Variants in TBC1D1 observed in about 807,000 individuals in gnomAD.
TBC1D1 encodes the protein TBC1 domain family member 1, also known as TBC1 (tre-2/USP6, BUB2, cdc16) domain family, member 1.
A neutral mutation model predicts 125.6 loss-of-function variants in TBC1D1; 89 were observed. The ratio of observed to expected loss-of-function variants is 0.71; its 90% CI spans 0.60 to 0.85. The LOEUF (loss-of-function observed/expected upper bound fraction) is 0.85, where lower values mean the gene tolerates loss of function less well. Ranked by LOEUF, TBC1D1 falls within the 40% of genes least tolerant of loss-of-function variation. The pLI is 0.00. For missense variants in TBC1D1, 1,377 were observed against 1,469.2 expected (o/e 0.94, Z 1.03); for synonymous variants, 565 against 564.1 (o/e 1.00, Z -0.02).
At chr4:38,026,269 A>G (rs1488119638) in intron 6 of TBC1D1, among the ~76,000 whole-genome samples, 1 of 152,200 alleles carries the variant, frequency 6.6e-6, no homozygotes, top group Non-Finnish European at 1.5e-5. Flanking sequence ...CAACAGTGTG[A>G]TAGGAGCAGC....
intron 8 of TBC1D1, among the ~76,000 whole-genome samples, chr4:38,042,192 A>G (rs928760229): frequency 6.6e-6 from 1 of 152,060 alleles, no homozygotes; most frequent in Non-Finnish European, 1.5e-5. Context: ...CAAGCAAACA[A>G]AAAAAGCTCA....
chr4:37,978,159 T>C (rs992025079), intron 2 of TBC1D1, among the ~76,000 whole-genome samples: 1 of 152,218 alleles, frequency 6.6e-6, no homozygotes, highest in African/African-American at 2.4e-5. Flanking sequence ...CCAGGCCAGT[T>C]GCACTGTTGC....
Position 37,905,029 on chromosome 4 carries a change from T to G in TBC1D1, c.417+2517T>G, listed in dbSNP as rs114400639. 4.7e-3 allele frequency among the ~76,000 whole-genome samples: 709 copies of G among 152,332 alleles called. 1 individual carries two copies. The highest frequency in any genetic ancestry group is 0.016 in the African/African-American group (667 of 41,570). On this transcript the variant is annotated intron_variant, in intron 2 of 19. Coordinates refer to ENST00000261439, the MANE Select transcript of TBC1D1 (RefSeq NM_015173.4). ...AACTGCATTTGCCAGAGAAGACATA[T>G]GCATTTACTGCCAGCATCATAAACA...
chr4:38,092,748 A>G (rs971777999), intron 13 of TBC1D1, among the ~76,000 whole-genome samples: 17 of 151,584 alleles, frequency 1.1e-4, no homozygotes, highest in South Asian at 4.2e-4. Flanking sequence ...AAAAAAAAAA[A>G]AAAGAAAGAA....
rs1371081312 is a variant in TBC1D1 at position 38,014,466 on chromosome 4, C to T, written c.418-43C>T. The T allele has an allele frequency of 3.8e-6, 6 of 1,578,226 alleles. No individual in the cohort carries two copies. The highest frequency in any genetic ancestry group is 5.2e-6 in the Non-Finnish European group (6 of 1,152,266). On this transcript the variant is annotated intron_variant, in intron 2 of 19. Coordinates refer to ENST00000261439, the MANE Select transcript of TBC1D1 (RefSeq NM_015173.4). This position sits in a 1 kb window ranked among gnomAD's most constrained non-coding sequence, Gnocchi z 5.1. Reference sequence around the variant, plus strand: ...GGTGCATTCATTCCGTGAGTGCCAGCCACACTGCATGTTCCAAATAACACG... The same window carrying T: ...GGTGCATTCATTCCGTGAGTGCCAGTCACACTGCATGTTCCAAATAACACG...
intron 2 of TBC1D1, among the ~76,000 whole-genome samples, chr4:37,916,985 G>A (rs1161253950): frequency 6.6e-6 from 1 of 151,264 alleles, no homozygotes; most frequent in African/African-American, 2.4e-5. Context: ...TGGCCAGGCT[G>A]GTCTTGAACT....
chr4:38,130,553 A>G (rs1765417572), intron 18 of TBC1D1, among the ~76,000 whole-genome samples: 1 of 152,186 alleles, frequency 6.6e-6, no homozygotes, highest in Non-Finnish European at 1.5e-5. Context: ...ATCCCCAGTA[A>G]TTACAACTCT....
chr4:37,907,576 G>A (rs774250537), intron 2 of TBC1D1, among the ~76,000 whole-genome samples: 6 of 152,086 alleles, frequency 3.9e-5, no homozygotes, highest in African/African-American at 1.2e-4. Context: ...ACCCATGAAC[G>A]TCCCTCAGAA....
At chr4:38,018,281 T>C in intron 3 of TBC1D1, 73 bp from the exon 4 acceptor site, 2 of 1,133,576 alleles carry the variant, frequency 1.8e-6, no homozygotes, top group Non-Finnish European at 1.3e-6. Flanking sequence ...AGCTTGTCCC[T>C]TTTATTCTTT....
At chr4:38,128,094 A>G (rs1258627244) in intron 18 of TBC1D1, among the ~76,000 whole-genome samples, 2 of 152,164 alleles carry the variant, frequency 1.3e-5, no homozygotes, top group African/African-American at 4.8e-5. Flanking sequence ...TCCCTGAACT[A>G]AAGGATCACA....
intron 12 of TBC1D1, among the ~76,000 whole-genome samples, chr4:38,085,923 C>G (rs973907900): frequency 6.6e-6 from 1 of 152,226 alleles, no homozygotes; most frequent in African/African-American, 2.4e-5. Flanking sequence ...GTCCACATCT[C>G]TCAAGACTGC....
intron 2 of TBC1D1, among the ~76,000 whole-genome samples, chr4:37,903,485 A>G (rs973822043): frequency 6.6e-6 from 1 of 152,242 alleles, no homozygotes; most frequent in African/African-American, 2.4e-5. Flanking sequence ...TGTCTGCCAC[A>G]TGTACAGGGC....
chr4:38,107,939 G>A (rs982339752), intron 15 of TBC1D1, among the ~76,000 whole-genome samples: 5 of 152,050 alleles, frequency 3.3e-5, no homozygotes, highest in African/African-American at 1.2e-4. Context: ...CCCCTGCTTT[G>A]GTGGAATCAT....
chr4:37,919,086 T>TA (rs58659751), intron 2 of TBC1D1, among the ~76,000 whole-genome samples: 114,403 of 143,752 alleles, frequency 0.8, 45,281 homozygotes, highest in East Asian at 0.94. Flanking sequence ...CCCCCATCTT[T>TA]AAAAAAAAAA....
At chr4:38,137,065 C>CGTGTGG (rs1277260891) in intron 19 of TBC1D1, 70 bp from the exon 22 acceptor site, 2 of 1,605,508 alleles carry the variant, frequency 1.2e-6, no homozygotes, top group Admixed American at 1.7e-5. Context: ...GGCTGGACAG[C>CGTGTGG]GTGTGGGCAC....
At chr4:38,106,203 CTAGCACCGCCAT>C (rs914971767) in intron 15 of TBC1D1, among the ~76,000 whole-genome samples, 8 of 152,178 alleles carry the variant, frequency 5.3e-5, no homozygotes, top group African/African-American at 1.9e-4. Flanking sequence ...AGACACTGCA[CTAGCACCGCCAT>C]CTCATGGGCC....
intron 1 of TBC1D1, 37 bp from the exon 2 acceptor site, chr4:37,901,966 T>C: frequency 1.1e-6 from 1 of 935,268 alleles, no homozygotes; most frequent in South Asian, 1.8e-5. Flanking sequence ...TTGCTATGAC[T>C]TCATTAAATT....
At chr4:38,041,901 C>T (rs1748454258) in intron 8 of TBC1D1, among the ~76,000 whole-genome samples, 1 of 152,168 alleles carries the variant, frequency 6.6e-6, no homozygotes, top group Non-Finnish European at 1.5e-5. Context: ...AGGCTGGGCA[C>T]AGTGGCTCAC....
chr4:37,974,466 T>C (rs529526019), intron 2 of TBC1D1, among the ~76,000 whole-genome samples: 1 of 152,318 alleles, frequency 6.6e-6, no homozygotes, highest in South Asian at 2.1e-4. Flanking sequence ...CTCGAACTCC[T>C]GAGCTCAAGT....
Sources: allele counts gnomAD v4.1 joint callset (sites outside exome capture counted in the v4.1 genomes callset), GRCh38; gene constraint gnomAD v4.1.1; non-coding constraint Gnocchi (gnomAD v3.1); transcripts MANE v1.5; gene names NCBI Gene and HGNC (gene_info 2026-07-23, HGNC 2026-07-21).